ADAM18: variants seen among roughly 807,000 people sequenced by gnomAD.
ADAM18 encodes the protein disintegrin and metalloproteinase domain-containing protein 18.
In ADAM18, 117 loss-of-function variants were observed where a neutral mutation model predicts 94.4. That is an observed-to-expected ratio of 1.24 (90% CI 1.07 to 1.45). The LOEUF (loss-of-function observed/expected upper bound fraction) is 1.45, where lower values mean the gene tolerates loss of function less well. Among genes scored for constraint, ADAM18 ranks in the 40% most tolerant of loss-of-function variants. The pLI is 0.00. For missense variants in ADAM18, 936 were observed against 880.0 expected (o/e 1.06, Z -0.81); for synonymous variants, 327 against 291.6 (o/e 1.12, Z -1.24).
Position 39,659,371 on chromosome 8 carries a change from T to A in ADAM18, c.1231-4424T>A, listed in dbSNP as rs530973870. Among the ~76,000 whole-genome samples, 41 of 148,016 alleles carry A rather than the reference T, an allele frequency of 2.8e-4. No individual in the cohort carries two copies. In the East Asian group the frequency reaches 4.3e-3, roughly 16 times the overall value. On this transcript the variant is annotated intron_variant, in intron 12 of 19. Transcript: ENST00000265707. ...TCCCCTAGTACTGGAATGAATAATT[T>A]AAAAAAAAAACAAGCAAATACACAA...
intron 17 of ADAM18, among the ~76,000 whole-genome samples, chr8:39,702,320 G>A (rs981498067): frequency 6.6e-6 from 1 of 151,808 alleles, no homozygotes; most frequent in Non-Finnish European, 1.5e-5. Context: ...CATGTCATTT[G>A]CCCACTTTTT....
intron 2 of ADAM18, among the ~76,000 whole-genome samples, chr8:39,593,294 A>G (rs1333582186): frequency 6.6e-6 from 1 of 152,088 alleles, no homozygotes; most frequent in East Asian, 1.9e-4. Context: ...ATTCTTGAGT[A>G]ATGTTGCTAA....
chr8:39,645,227 G>T, intron 10 of ADAM18, 111 bp from the exon 11 acceptor site: 3 of 908,284 alleles, frequency 3.3e-6, no homozygotes, highest in Non-Finnish European at 4.8e-6. Flanking sequence ...TGTGAAGTAT[G>T]CTTAACATAA....
chr8:39,630,564 G>A (rs1819904918), intron 7 of ADAM18, among the ~76,000 whole-genome samples: 1 of 151,750 alleles, frequency 6.6e-6, no homozygotes, highest in East Asian at 1.9e-4. Context: ...ACATTCTATA[G>A]CATCTAGGTT....
intron 16 of ADAM18, among the ~76,000 whole-genome samples, chr8:39,687,599 TC>T (rs1349886310): frequency 6.6e-6 from 1 of 152,124 alleles, no homozygotes; most frequent in Non-Finnish European, 1.5e-5. Context: ...ATAAGTAGCC[TC>T]CCAACCCAGG....
intron 7 of ADAM18, among the ~76,000 whole-genome samples, chr8:39,637,020 TA>T (rs1251917201): frequency 0.038 from 896 of 23,536 alleles, 11 homozygotes; most frequent in African/African-American, 0.18. Flanking sequence ...GTGTGTATTT[TA>T]TATATATATA....
chr8:39,634,202 A>G (rs1820012222), intron 7 of ADAM18, among the ~76,000 whole-genome samples: 2 of 152,114 alleles, frequency 1.3e-5, no homozygotes, highest in South Asian at 4.1e-4. Flanking sequence ...CTGTGGTTTC[A>G]AAGGGTGCAG....
chr8:39,638,593 A>G (rs1445711986), intron 10 of ADAM18, 47 bp downstream of exon 10: 2 of 1,192,870 alleles, frequency 1.7e-6, no homozygotes, highest in East Asian at 2.6e-5. Flanking sequence ...TAGGCCTTAT[A>G]TTATATTTTG....
intron 18 of ADAM18, among the ~76,000 whole-genome samples, chr8:39,721,310 A>C (rs1283162937): frequency 1.3e-5 from 2 of 151,486 alleles, no homozygotes; most frequent in Non-Finnish European, 3.0e-5. Flanking sequence ...GAAAGTATAA[A>C]AGTTCTTACT....
intron 12 of ADAM18, among the ~76,000 whole-genome samples, chr8:39,656,339 A>G (rs1229854602): frequency 2.6e-5 from 4 of 152,168 alleles, no homozygotes; most frequent in Admixed American, 2.6e-4. Flanking sequence ...ACCTACATAA[A>G]TATCATTACT....
At chr8:39,659,385 G>A (rs1173666239) in intron 12 of ADAM18, among the ~76,000 whole-genome samples, 2 of 150,806 alleles carry the variant, frequency 1.3e-5, no homozygotes, top group African/African-American at 4.9e-5. Flanking sequence ...AAAAAAACAA[G>A]CAAATACACA....
At position 39,637,704 on chromosome 8, in the gene ADAM18, G is replaced by A. The variant is rs1364206517; in HGVS notation, c.827+1G>A. 1 of 1,590,754 alleles carries A rather than the reference G, an allele frequency of 6.3e-7. No homozygotes were observed. Among genetic ancestry groups the A allele is most frequent in the South Asian group, 1.2e-5 (1 of 86,792 alleles). On this transcript the variant is annotated splice_donor_variant, in intron 9 of 19. Transcript: ENST00000265707. LOFTEE classifies it high-confidence loss of function. ...CCCATGACATAGCATACTTACTTGT[G>A]TAAGCACAATGTTCTACATTAATAA...
chr8:39,674,195 G>A (rs1031200080), intron 14 of ADAM18, among the ~76,000 whole-genome samples: 12 of 152,054 alleles, frequency 7.9e-5, no homozygotes, highest in African/African-American at 2.9e-4. Context: ...CTTCTGTCTC[G>A]TTGATCTGTC....
At chr8:39,593,859 A>C (rs899745451) in intron 2 of ADAM18, among the ~76,000 whole-genome samples, 6 of 152,136 alleles carry the variant, frequency 3.9e-5, no homozygotes, top group African/African-American at 1.4e-4. Context: ...TTACATGATA[A>C]GTTTTCTTCA....
At chr8:39,683,682 T>C (rs1041887769) in intron 16 of ADAM18, among the ~76,000 whole-genome samples, 3 of 152,222 alleles carry the variant, frequency 2.0e-5, no homozygotes, top group Non-Finnish European at 4.4e-5. Context: ...CATGAACTTA[T>C]ATGTCATCAG....
chr8:39,632,362 A>G (rs1259905138), intron 7 of ADAM18, among the ~76,000 whole-genome samples: 2 of 151,940 alleles, frequency 1.3e-5, no homozygotes, highest in Non-Finnish European at 2.9e-5. Flanking sequence ...TTGGTAGGTG[A>G]TCTTTATAAT....
chr8:39,722,217 G>GTGTATATA (rs1822777714), intron 18 of ADAM18, among the ~76,000 whole-genome samples: 2 of 91,580 alleles, frequency 2.2e-5, no homozygotes. Context: ...GTGTGTGTGT[G>GTGTATATA]TATATATATA....
intron 7 of ADAM18, among the ~76,000 whole-genome samples, chr8:39,634,263 A>C (rs1206078482): frequency 6.6e-6 from 1 of 152,112 alleles, no homozygotes; most frequent in African/African-American, 2.4e-5. Context: ...AGGCTCACAG[A>C]GTGCAAGAGC....
chr8:39,704,907 T>C (rs2129581259), intron 17 of ADAM18, among the ~76,000 whole-genome samples: 1 of 152,252 alleles, frequency 6.6e-6, no homozygotes, highest in Non-Finnish European at 1.5e-5. Flanking sequence ...TTCTGTCATG[T>C]CCTTGTACTT....
Sources: allele counts gnomAD v4.1 joint callset (sites outside exome capture counted in the v4.1 genomes callset), GRCh38; gene constraint gnomAD v4.1.1; transcripts MANE v1.5; gene names NCBI Gene and HGNC (gene_info 2026-07-23, HGNC 2026-07-21).